MBD5: variants seen among roughly 807,000 people sequenced by gnomAD.
MBD5 encodes methyl-CpG binding domain protein 5.
MBD5 carries 13 observed loss-of-function variants against 117.3 expected under a neutral mutation model. The observed-to-expected ratio is 0.11, with a 90% CI of 0.07 to 0.18. The LOEUF (loss-of-function observed/expected upper bound fraction) is 0.18. Among genes scored for constraint, MBD5 ranks in the 10% least tolerant of loss-of-function variants. MBD5 has a pLI of 1.00. For synonymous variants in MBD5, 727 were observed against 766.4 expected, an observed-to-expected ratio of 0.95 and a Z score of 0.85; for missense variants, 1,879 against 2,093.8, an observed-to-expected ratio of 0.90 and a Z score of 2.00.
intron 3 of MBD5, among the ~76,000 whole-genome samples, chr2:148,290,112 C>G (rs756557169): frequency 2.7e-5 from 4 of 149,886 alleles, no homozygotes; most frequent in African/African-American, 9.9e-5. Context: ...CCCACCACCA[C>G]GCCCAGCTAA....
At chr2:148,350,804 T>C (rs979241247) in intron 4 of MBD5, among the ~76,000 whole-genome samples, 2 of 152,080 alleles carry the variant, frequency 1.3e-5, no homozygotes, top group Non-Finnish European at 2.9e-5. Flanking sequence ...TCTGCTTCAG[T>C]TGATAGTGAG....
intron 2 of MBD5, among the ~76,000 whole-genome samples, chr2:148,223,274 G>A (rs1699736645): frequency 6.6e-6 from 1 of 151,920 alleles, no homozygotes; most frequent in African/African-American, 2.4e-5. Context: ...GGTAATACTG[G>A]GCTCATAGAA....
At position 148,458,860 on chromosome 2, in the gene MBD5, G is replaced by T. The variant is rs1057522320; in HGVS notation, c.102G>T (p.Val34=). The T allele has an allele frequency of 1.2e-6, 2 of 1,612,702 alleles. No homozygotes were observed. The highest frequency in any genetic ancestry group is 1.7e-6 in the Non-Finnish European group (2 of 1,179,140). The change falls in exon 5 of 14, where the codon GTG becomes GTT. Residue 34 remains valine, a synonymous_variant. Transcript: ENST00000642680. ...GWQRRVDQNG[V]LYVSPSGSLL... Reference sequence around the variant, plus strand: ...AGCGTCGTGTGGATCAAAATGGAGTGCTTTATGTCAGGTAAGTTCTTATTA... The same window carrying T: ...AGCGTCGTGTGGATCAAAATGGAGTTCTTTATGTCAGGTAAGTTCTTATTA...
intron 4 of MBD5, among the ~76,000 whole-genome samples, chr2:148,385,356 A>G (rs1459611571): frequency 5.3e-5 from 8 of 152,254 alleles, no homozygotes; most frequent in Non-Finnish European, 1.2e-4. Context: ...GACACATGAA[A>G]AAATACTCAT....
At chr2:148,398,362 T>C in intron 4 of MBD5, among the ~76,000 whole-genome samples, 1 of 151,536 alleles carries the variant, frequency 6.6e-6, no homozygotes, top group East Asian at 1.9e-4. Context: ...GGTGAGATGG[T>C]ATCTCATTGT....
At chr2:148,187,312 C>A (rs1250109606) in intron 2 of MBD5, among the ~76,000 whole-genome samples, 65 of 151,488 alleles carry the variant, frequency 4.3e-4, no homozygotes, top group Non-Finnish European at 4.6e-4. Flanking sequence ...CCATACCCCC[C>A]CCAAAAAAAA....
At chr2:148,218,999 T>C (rs186196946) in intron 2 of MBD5, among the ~76,000 whole-genome samples, 3 of 152,384 alleles carry the variant, frequency 2.0e-5, no homozygotes, top group Admixed American at 2.0e-4. Flanking sequence ...AACCTTAGTT[T>C]ACTGTAACTT....
chr2:148,041,488 A>G (rs1354491268), intron 1 of MBD5: 1 of 152,204 alleles, frequency 6.6e-6, no homozygotes, highest in African/African-American at 2.4e-5. Flanking sequence ...AGCAGATTGT[A>G]TAGACACTCT....
At chr2:148,104,965 A>T (rs1696330094) in intron 1 of MBD5, among the ~76,000 whole-genome samples, 1 of 152,136 alleles carries the variant, frequency 6.6e-6, no homozygotes, top group Admixed American at 6.5e-5. Context: ...GTTAAATAAC[A>T]TCCTAAATTG....
intron 1 of MBD5, among the ~76,000 whole-genome samples, chr2:148,113,596 T>A (rs1696552797): frequency 6.6e-6 from 1 of 152,198 alleles, no homozygotes; most frequent in Non-Finnish European, 1.5e-5. Context: ...AACAGCTAAT[T>A]TTCAGTATGA....
intron 3 of MBD5, chr2:148,244,359 G>C (rs1399094667): frequency 6.6e-6 from 1 of 151,966 alleles, no homozygotes; most frequent in Non-Finnish European, 1.5e-5. Flanking sequence ...ACTAATAAAG[G>C]GTGGGTAAAA....
At chr2:148,108,301 C>T (rs1471229580) in intron 1 of MBD5, among the ~76,000 whole-genome samples, 1 of 152,124 alleles carries the variant, frequency 6.6e-6, no homozygotes, top group East Asian at 1.9e-4. Context: ...TTCTGTGCTT[C>T]ACTGTCTTGA....
At chr2:148,333,821 G>T (rs1361086497) in intron 3 of MBD5, among the ~76,000 whole-genome samples, 1 of 151,776 alleles carries the variant, frequency 6.6e-6, no homozygotes, top group Non-Finnish European at 1.5e-5. Context: ...TCACACCACT[G>T]CACTCCAGCC....
chr2:148,470,623 G>T (rs1453935772), intron 8 of MBD5, 162 bp downstream of exon 8: 8 of 621,890 alleles, frequency 1.3e-5, no homozygotes, highest in Non-Finnish European at 1.6e-5. Context: ...GAATGCTAGG[G>T]ATTTGTCTAT....
In MBD5 at chr2:148,483,647, A is replaced by G; in HGVS notation, c.3056A>G (p.Gln1019Arg). The part of the protein sequence containing the change: ...NLTISDLLQQ[Q>R]NTPLPSLTQM... ...ACCATCTCAGATCTTTTGCAACAGC[A>G]AAATACCCCTTTACCCTCATTAACA... is the stretch of plus-strand genomic sequence containing the variant. Residue 1019 changes from glutamine (Q) to arginine (R), a missense_variant, in exon 9 of 14, where the codon CAA becomes CGA. Gln to Arg is a conservative substitution (Grantham distance 43). This residue lies in a region of MBD5 where 1,666 missense variants were observed against 1,792.2 expected (regional missense o/e 0.93). Coordinates refer to ENST00000642680, the MANE Select transcript of MBD5 (RefSeq NM_001378120.1). The G allele has an allele frequency of 6.4e-7, 1 of 1,551,092 alleles. No homozygotes were observed.
chr2:148,302,304 A>G (rs1378241719), intron 3 of MBD5, among the ~76,000 whole-genome samples: 1 of 152,176 alleles, frequency 6.6e-6, no homozygotes, highest in African/African-American at 2.4e-5. Context: ...CCAAGTGATC[A>G]CTGCCTCCAG....
chr2:148,330,711 A>C (rs556602914), intron 3 of MBD5: 21 of 152,328 alleles, frequency 1.4e-4, no homozygotes, highest in African/African-American at 4.6e-4. Context: ...ATTTGTGTGA[A>C]ATAAAATGTC....
At chr2:148,103,846 C>A (rs941299743) in intron 1 of MBD5, among the ~76,000 whole-genome samples, 1 of 151,996 alleles carries the variant, frequency 6.6e-6, no homozygotes, top group African/African-American at 2.4e-5. Flanking sequence ...TTATATAATT[C>A]ATATTATTAA....
chr2:148,421,530 G>T (rs1235849120), intron 4 of MBD5, among the ~76,000 whole-genome samples: 1 of 147,544 alleles, frequency 6.8e-6, no homozygotes, highest in Non-Finnish European at 1.5e-5. Context: ...AGCTGCAGAA[G>T]TTTTTTTTTT....
Sources: allele counts gnomAD v4.1 joint callset (sites outside exome capture counted in the v4.1 genomes callset), GRCh38; gene constraint gnomAD v4.1.1; regional missense constraint gnomAD v4.1.1; transcripts MANE v1.5; gene names NCBI Gene and HGNC (gene_info 2026-07-23, HGNC 2026-07-21).